The following CNTNAP2 variants were observed in gnomAD, a reference collection of about 807,000 sequenced individuals.
CNTNAP2 encodes the protein contactin-associated protein-like 2.
In CNTNAP2, 98 loss-of-function variants were observed where a neutral mutation model predicts 155.2. The ratio of observed to expected loss-of-function variants is 0.63; its 90% CI spans 0.54 to 0.75. The LOEUF is 0.75. Among genes scored for constraint, CNTNAP2 ranks in the 30% least tolerant of loss-of-function variants. CNTNAP2 has a pLI of 0.00. For synonymous variants in CNTNAP2, 651 were observed against 631.2 expected, an observed-to-expected ratio of 1.03 and a Z score of -0.47; for missense variants, 1,727 against 1,688.1, an observed-to-expected ratio of 1.02 and a Z score of -0.40.
intron 4 of CNTNAP2, among the ~76,000 whole-genome samples, chr7:147,084,565 C>T (rs1230172611): frequency 6.9e-6 from 1 of 144,366 alleles, no homozygotes; most frequent in Non-Finnish European, 1.5e-5. Flanking sequence ...ATAATATATA[C>T]ATGTATATAC....
At position 147,534,151 on chromosome 7, in the gene CNTNAP2, C is replaced by T. The variant is rs533618400; in HGVS notation, c.1778-27987C>T. On this transcript the variant is annotated intron_variant, in intron 11 of 23. Transcript: ENST00000361727. ...ATTTTGACCCCCAGGTGACATTTGGCAATGCCTAGAGACATTTGTGATTGT... is the reference window on the plus strand; with the variant it reads ...ATTTTGACCCCCAGGTGACATTTGGTAATGCCTAGAGACATTTGTGATTGT... Among the ~76,000 whole-genome samples, 12 of 152,260 alleles carry T rather than the reference C, an allele frequency of 7.9e-5. No individual in the cohort carries two copies. The South Asian group carries it at 1.0e-3, about 13-fold the overall frequency.
chr7:146,921,157 GCA>G lies in CNTNAP2; in HGVS notation c.402+81256_402+81257del, dbSNP rs141517594. 9.5e-3 allele frequency among the ~76,000 whole-genome samples: 1,452 copies of G among 152,240 alleles called. 16 individuals carry two copies. The highest frequency in any genetic ancestry group is 0.033 in the African/African-American group (1,378 of 41,518). On this transcript the variant is annotated intron_variant, in intron 3 of 23. Coordinates refer to ENST00000361727, the MANE Select transcript of CNTNAP2 (RefSeq NM_014141.6). Reference sequence around the variant, plus strand: ...AGCAGAAGAGGTGGACTACCAAGAGGCACAGTGAGGTGTTATGGGAGATTAGA... The same window carrying G: ...AGCAGAAGAGGTGGACTACCAAGAGGCAGTGAGGTGTTATGGGAGATTAGA...
At chr7:147,912,047 A>T (rs1327688159) in intron 14 of CNTNAP2, among the ~76,000 whole-genome samples, 1 of 152,200 alleles carries the variant, frequency 6.6e-6, no homozygotes, top group Non-Finnish European at 1.5e-5. Flanking sequence ...TATTTTCTGA[A>T]TGTGACCTGA....
chr7:146,924,153 C>G (rs928368751), intron 3 of CNTNAP2, among the ~76,000 whole-genome samples: 7 of 152,158 alleles, frequency 4.6e-5, no homozygotes, highest in Non-Finnish European at 1.0e-4. Context: ...GTGGGTTCCA[C>G]AGAGTGCCAG....
chr7:148,326,879 A>C (rs926718682), intron 21 of CNTNAP2, among the ~76,000 whole-genome samples: 4 of 151,812 alleles, frequency 2.6e-5, no homozygotes, highest in African/African-American at 9.7e-5. Context: ...AAAAAAAAAA[A>C]ATAGAGCAAA....
intron 8 of CNTNAP2, among the ~76,000 whole-genome samples, chr7:147,155,060 C>T (rs1801896174): frequency 6.6e-6 from 1 of 152,052 alleles, no homozygotes; most frequent in Admixed American, 6.6e-5. Context: ...ATGTTTCTCC[C>T]CACCACTCCC....
chr7:146,899,506 C>T (rs1483484562), intron 3 of CNTNAP2, among the ~76,000 whole-genome samples: 4 of 151,978 alleles, frequency 2.6e-5, no homozygotes, highest in Admixed American at 2.6e-4. Flanking sequence ...ATGCATTGAA[C>T]CTGTATTTTG....
At chr7:148,220,686 GA>G (rs1795732848) in intron 19 of CNTNAP2, among the ~76,000 whole-genome samples, 2 of 151,758 alleles carry the variant, frequency 1.3e-5, no homozygotes, top group African/African-American at 4.8e-5. Flanking sequence ...GATTGTGGAT[GA>G]TTTTTTTTTC....
At chr7:148,190,238 G>A (rs570075800) in intron 18 of CNTNAP2, 2 of 152,374 alleles carry the variant, frequency 1.3e-5, no homozygotes, top group South Asian at 4.1e-4. Context: ...ACTGCCCTGA[G>A]GCCACCATGC....
chr7:148,155,840 C>T (rs1004317108), intron 17 of CNTNAP2, among the ~76,000 whole-genome samples: 6 of 152,124 alleles, frequency 3.9e-5, no homozygotes, highest in Non-Finnish European at 7.3e-5. Context: ...TCAGTCTATA[C>T]CAGCGTCCCC....
At chr7:146,511,991 C>T (rs1032120221) in intron 1 of CNTNAP2, among the ~76,000 whole-genome samples, 2 of 151,934 alleles carry the variant, frequency 1.3e-5, no homozygotes, top group Non-Finnish European at 2.9e-5. Context: ...CCTCATATTT[C>T]AATCTTGGTA....
At chr7:147,575,107 A>ATATGTATGTGTG (rs1554406899) in intron 12 of CNTNAP2, among the ~76,000 whole-genome samples, 1 of 94,066 alleles carries the variant, frequency 1.1e-5, no homozygotes, top group Non-Finnish European at 2.3e-5. Flanking sequence ...TTTGTGGGAA[A>ATATGTATGTGTG]TGTGTGTGTG....
intron 16 of CNTNAP2, among the ~76,000 whole-genome samples, chr7:148,146,055 G>A (rs1563214236): frequency 6.6e-6 from 1 of 152,154 alleles, no homozygotes; most frequent in Non-Finnish European, 1.5e-5. Flanking sequence ...AACAGTCTAG[G>A]TCCTGAGAGA....
At chr7:146,764,953 A>G (rs1207662701) in intron 1 of CNTNAP2, among the ~76,000 whole-genome samples, 1 of 152,136 alleles carries the variant, frequency 6.6e-6, no homozygotes, top group Non-Finnish European at 1.5e-5. Context: ...TGTGCCCTAC[A>G]TTCTGCATAT....
chr7:147,128,053 T>C (rs899451855), intron 6 of CNTNAP2, among the ~76,000 whole-genome samples: 1 of 152,034 alleles, frequency 6.6e-6, no homozygotes, highest in Non-Finnish European at 1.5e-5. Flanking sequence ...AGCATTGTCT[T>C]ATTTCTTAAG....
chr7:146,918,270 A>G (rs1168753472), intron 3 of CNTNAP2, among the ~76,000 whole-genome samples: 1 of 151,886 alleles, frequency 6.6e-6, no homozygotes, highest in Middle Eastern at 3.4e-3. Flanking sequence ...TTGTTGTTTT[A>G]TAGGTCCTGT....
At chr7:147,295,663 C>T (rs753821418) in intron 8 of CNTNAP2, among the ~76,000 whole-genome samples, 1 of 152,090 alleles carries the variant, frequency 6.6e-6, no homozygotes, top group Non-Finnish European at 1.5e-5. Flanking sequence ...CTATTTCTTA[C>T]AAGATGTAGA....
At chr7:147,702,650 A>G (rs561418280) in intron 13 of CNTNAP2, among the ~76,000 whole-genome samples, 6 of 152,078 alleles carry the variant, frequency 3.9e-5, no homozygotes, top group Admixed American at 6.5e-5. Flanking sequence ...GAACTTCCGG[A>G]GGCTTGCAGA....
intron 3 of CNTNAP2, among the ~76,000 whole-genome samples, chr7:146,997,262 G>A (rs970830313): frequency 9.2e-5 from 14 of 152,030 alleles, no homozygotes; most frequent in Admixed American, 2.0e-4. Flanking sequence ...CTAATTCATG[G>A]AGTGTTTTTA....
Sources: gnomAD v4.1 joint callset for allele counts (sites outside exome capture counted in the v4.1 genomes callset) on GRCh38, gnomAD v4.1.1 for gene constraint, MANE v1.5 for transcripts, NCBI Gene and HGNC (gene_info 2026-07-23, HGNC 2026-07-21) for gene names.